Variants in EPHB2 observed in about 807,000 individuals in gnomAD.
EPHB2 encodes EPH receptor B2, also known as ephrin type-B receptor 2.
EPHB2 carries 18 observed loss-of-function variants against 96.4 expected under a neutral mutation model. The observed-to-expected ratio is 0.19, with a 90% CI of 0.13 to 0.28. EPHB2 has a LOEUF of 0.28. Among genes scored for constraint, EPHB2 ranks in the 10% least tolerant of loss-of-function variants. EPHB2 has a pLI of 1.00. For missense variants in EPHB2, 989 were observed against 1,355.4 expected (o/e 0.73, Z 4.25); for synonymous variants, 506 against 534.1 (o/e 0.95, Z 0.72).
At chr1:22,810,659 A>G (rs1644990231) in intron 3 of EPHB2, among the ~76,000 whole-genome samples, 1 of 152,178 alleles carries the variant, frequency 6.6e-6, no homozygotes, top group South Asian at 2.1e-4. Flanking sequence ...TTCCCATGAC[A>G]AGGGGCACAT....
intron 3 of EPHB2, among the ~76,000 whole-genome samples, chr1:22,818,891 A>C (rs557001112): frequency 1.2e-4 from 19 of 152,100 alleles, no homozygotes; most frequent in African/African-American, 4.6e-4. Flanking sequence ...CCATCTGTTT[A>C]TGTGTCTTTC....
At chr1:22,734,692 A>T (rs988237970) in intron 1 of EPHB2, among the ~76,000 whole-genome samples, 1 of 152,062 alleles carries the variant, frequency 6.6e-6, no homozygotes, top group African/African-American at 2.4e-5. Context: ...AAGCACTGGG[A>T]TTTACAGGCA....
intron 1 of EPHB2, among the ~76,000 whole-genome samples, chr1:22,741,964 T>C (rs1192515266): frequency 6.6e-6 from 1 of 152,082 alleles, no homozygotes; most frequent in African/African-American, 2.4e-5. Context: ...ATGTACTTCA[T>C]TGGTACCCCA....
intron 1 of EPHB2, among the ~76,000 whole-genome samples, chr1:22,727,016 A>C (rs1405025113): frequency 2.0e-5 from 3 of 152,228 alleles, no homozygotes; most frequent in Non-Finnish European, 2.9e-5. Flanking sequence ...AAGTGTGAGA[A>C]AGAAATGGCA....
chr1:22,766,824 C>T (rs1644314105), intron 1 of EPHB2, among the ~76,000 whole-genome samples: 1 of 152,212 alleles, frequency 6.6e-6, no homozygotes, highest in African/African-American at 2.4e-5. Context: ...GACTGGGCTG[C>T]CCCAGGCTGC....
Position 22,913,750 on chromosome 1 carries a change from C to T in EPHB2, c.*180C>T, listed in dbSNP as rs763473046. 1.1e-5 allele frequency: 18 copies of T among 1,595,624 alleles called. No homozygotes were observed. Among genetic ancestry groups the T allele is most frequent in the South Asian group, 6.8e-5 (6 of 88,200 alleles). ...CCAAGAAAACATGCAACTCAAACGA[C>T]GGAAAAAAAAAGGGAATGGGAAAAA... is the stretch of plus-strand genomic sequence containing the variant. On this transcript the variant is annotated 3_prime_UTR_variant, in exon 16 of 16. Coordinates refer to ENST00000374630, the MANE Select transcript of EPHB2 (RefSeq NM_017449.5). This position sits in a 1 kb window ranked among gnomAD's most constrained non-coding sequence, Gnocchi z 4.1.
intron 3 of EPHB2, chr1:22,836,118 C>G (rs1645379288): frequency 6.6e-6 from 1 of 152,214 alleles, no homozygotes; most frequent in Non-Finnish European, 1.5e-5. Flanking sequence ...GCTCGGGGGC[C>G]CCACAGAGCA....
In EPHB2 at chr1:22,910,535, A is replaced by C. The variant is rs754833389; in HGVS notation, c.2656A>C (p.Asn886His). Residue 886 changes from asparagine to histidine, a missense_variant, in exon 14 of 16, where the codon AAT becomes CAT. By Grantham distance (68) the Asn-to-His change is moderately conservative. Transcript: ENST00000374630. ...CAACACGCTAGACAAGATGATCCGC[A>C]ATCCCAACAGCCTCAAAGCCATGGC... ...IVNTLDKMIR[N>H]PNSLKAMAPL... 4 of 1,612,878 alleles carry C rather than the reference A, an allele frequency of 2.5e-6. No homozygotes were observed. The highest frequency in any genetic ancestry group is 3.4e-6 in the Non-Finnish European group (4 of 1,180,028).
At chr1:22,775,648 G>A (rs537648929) in intron 1 of EPHB2, among the ~76,000 whole-genome samples, 1 of 152,374 alleles carries the variant, frequency 6.6e-6, no homozygotes, top group South Asian at 2.1e-4. Flanking sequence ...TTCACACATA[G>A]CCAGAGGGGC....
At chr1:22,881,854 A>G (rs1639057246) in intron 5 of EPHB2, among the ~76,000 whole-genome samples, 1 of 152,028 alleles carries the variant, frequency 6.6e-6, no homozygotes, top group Admixed American at 6.5e-5. Context: ...CAGCCTCCCA[A>G]AGTGCTGGGA....
At chr1:22,878,227 C>T (rs1434961930) in intron 5 of EPHB2, among the ~76,000 whole-genome samples, 2 of 152,154 alleles carry the variant, frequency 1.3e-5, no homozygotes, top group African/African-American at 4.8e-5. Context: ...ACGGAGCAGC[C>T]TCTGCTGAAC....
chr1:22,893,134 T>C, intron 7 of EPHB2, 88 bp downstream of exon 7: 1 of 1,605,418 alleles, frequency 6.2e-7, no homozygotes, highest in Non-Finnish European at 8.5e-7. Flanking sequence ...AGCACCTTTG[T>C]GCAGATTAGA....
chr1:22,816,902 C>T (rs560960586), intron 3 of EPHB2, among the ~76,000 whole-genome samples: 2 of 152,304 alleles, frequency 1.3e-5, no homozygotes, highest in Admixed American at 6.5e-5. Flanking sequence ...CCACTAGAGC[C>T]CCAGACCATC....
In EPHB2 at chr1:22,863,145, A is replaced by G. The variant is rs754693296; in HGVS notation, c.920A>G (p.Asn307Ser). ...GGGGCCACCAACTGTGTCTGCCGCA[A>G]TGGCTACTACAGAGCAGACCTGGAC... ...SEGATNCVCR[N>S]GYYRADLDPL... is the part of the protein sequence containing the mutation. The change falls in exon 4 of 16, where the codon AAT (asparagine) becomes AGT (serine). Residue 307 changes from asparagine (N) to serine (S), a missense_variant. By Grantham distance (46) the Asn-to-Ser change is conservative (BLOSUM62 1). Coordinates refer to ENST00000374630, the MANE Select transcript of EPHB2 (RefSeq NM_017449.5). 1.1e-5 allele frequency: 17 copies of G among 1,614,084 alleles called. No homozygotes were observed. The highest frequency in any genetic ancestry group is 3.3e-5 in the Admixed American group (2 of 60,008).
intron 9 of EPHB2, among the ~76,000 whole-genome samples, chr1:22,897,840 C>T (rs1015726005): frequency 1.5e-4 from 23 of 151,468 alleles, no homozygotes; most frequent in African/African-American, 5.3e-4. Context: ...TGGCTCACGC[C>T]TGTAATCCCA....
chr1:22,817,134 TA>T (rs2148468975), intron 3 of EPHB2, among the ~76,000 whole-genome samples: 1 of 152,218 alleles, frequency 6.6e-6, no homozygotes, highest in South Asian at 2.1e-4. Flanking sequence ...GGGCCAAGAA[TA>T]AATATAACCA....
At chr1:22,835,175 T>C (rs150340221) in intron 3 of EPHB2, among the ~76,000 whole-genome samples, 164 of 152,236 alleles carry the variant, frequency 1.1e-3, no homozygotes, top group African/African-American at 3.9e-3. Context: ...GTCCAGGAGT[T>C]CTGAGACCAG....
chr1:22,808,878 C>T (rs1644965793), intron 3 of EPHB2, among the ~76,000 whole-genome samples: 1 of 152,220 alleles, frequency 6.6e-6, no homozygotes, highest in Non-Finnish European at 1.5e-5. Context: ...TGCTCTCAAC[C>T]ACTATGCCAT....
At chr1:22,734,688 TG>T (rs1268257437) in intron 1 of EPHB2, among the ~76,000 whole-genome samples, 1 of 152,166 alleles carries the variant, frequency 6.6e-6, no homozygotes, top group Non-Finnish European at 1.5e-5. Flanking sequence ...CCCAAAGCAC[TG>T]GGATTTACAG....
Sources: gnomAD v4.1 joint callset for allele counts (sites outside exome capture counted in the v4.1 genomes callset) on GRCh38, gnomAD v4.1.1 for gene constraint, Gnocchi (gnomAD v3.1) non-coding constraint, MANE v1.5 for transcripts, NCBI Gene and HGNC (gene_info 2026-07-23, HGNC 2026-07-21) for gene names.